Variants in LINGO1 observed in about 807,000 individuals in gnomAD.
LINGO1 encodes leucine rich repeat and Ig domain containing 1.
Under a neutral mutation model 37.3 loss-of-function variants are expected in LINGO1, and 11 were observed. The observed-to-expected ratio is 0.29, with a 90% confidence interval of 0.19 to 0.49. The LOEUF (loss-of-function observed/expected upper bound fraction) is 0.49. Among genes scored for constraint, LINGO1 ranks in the 20% least tolerant of loss-of-function variants. The probability of loss-of-function intolerance (pLI) is 0.99; values close to 1 mark genes in which losing one functional copy is unlikely to be tolerated. For missense variants in LINGO1, 585 were observed against 878.2 expected, an observed-to-expected ratio of 0.67 and a Z score of 4.22; for synonymous variants, 387 against 403.0, an observed-to-expected ratio of 0.96 and a Z score of 0.48.
intron 1 of LINGO1, among the ~76,000 whole-genome samples, chr15:77,797,497 A>T (rs7175762): frequency 2.6e-5 from 4 of 152,106 alleles, no homozygotes; most frequent in African/African-American, 9.7e-5. Flanking sequence ...CCTTCAAACG[A>T]AAGTCCACAC....
chr15:77,793,586 T>C (rs951177716), intron 2 of LINGO1, among the ~76,000 whole-genome samples: 2 of 152,224 alleles, frequency 1.3e-5, no homozygotes, highest in Non-Finnish European at 2.9e-5. Context: ...CCTACATCCA[T>C]GACTTTCTTC....
intron 3 of LINGO1, among the ~76,000 whole-genome samples, chr15:77,643,548 T>G (rs1291974476): frequency 1.3e-5 from 2 of 152,164 alleles, no homozygotes; most frequent in African/African-American, 4.8e-5. Context: ...GCAGGGGCTC[T>G]CCTGGCTCCT....
intron 1 of LINGO1, among the ~76,000 whole-genome samples, chr15:77,765,420 A>G (rs2076518426): frequency 6.6e-6 from 1 of 152,006 alleles, no homozygotes; most frequent in South Asian, 2.1e-4. Flanking sequence ...GTCTCAAAAA[A>G]AAAAAAAAAC....
intron 2 of LINGO1, among the ~76,000 whole-genome samples, chr15:77,726,088 C>G (rs149584106): frequency 6.6e-6 from 1 of 152,220 alleles, no homozygotes; most frequent in Non-Finnish European, 1.5e-5. Context: ...TCTGAGTCAT[C>G]GGAAGATTAG....
intron 1 of LINGO1, among the ~76,000 whole-genome samples, chr15:77,618,987 C>A (rs370478542): frequency 1.0e-3 from 152 of 152,230 alleles, no homozygotes; most frequent in African/African-American, 3.4e-3. Flanking sequence ...AATTATGCTA[C>A]AAGATGATAA....
chr15:77,686,585 C>T (rs766129116), intron 2 of LINGO1, among the ~76,000 whole-genome samples: 96 of 152,196 alleles, frequency 6.3e-4, no homozygotes, highest in Non-Finnish European at 1.0e-3. Flanking sequence ...ACCGTCAACC[C>T]TCTCACAGGT....
At chr15:77,789,194 T>C (rs1466354495), upstream of LINGO1, among the ~76,000 whole-genome samples, 8 of 152,220 alleles carry the variant, frequency 5.3e-5, no homozygotes, top group Admixed American at 5.2e-4. Flanking sequence ...TAACCCCCAA[T>C]ACCTCAGTAT....
intron 2 of LINGO1, among the ~76,000 whole-genome samples, chr15:77,728,822 A>C (rs2076128097): frequency 6.6e-6 from 1 of 152,230 alleles, no homozygotes; most frequent in Non-Finnish European, 1.5e-5. Flanking sequence ...CTCTGTAGAA[A>C]CAGCTCATGG....
chr15:77,696,834 C>T (rs1223468456), upstream of LINGO1, among the ~76,000 whole-genome samples: 3 of 152,274 alleles, frequency 2.0e-5, no homozygotes, highest in Non-Finnish European at 4.4e-5. Context: ...GTACCGGGGC[C>T]TGCCCCAATT....
intron 3 of LINGO1, chr15:77,651,971 T>A (rs1475529482): frequency 6.6e-6 from 1 of 152,180 alleles, no homozygotes; most frequent in African/African-American, 2.4e-5. Context: ...CAAACTCTGG[T>A]GAAGTCAAGA....
intron 1 of LINGO1, among the ~76,000 whole-genome samples, chr15:77,816,346 G>A (rs1358180438): frequency 6.6e-6 from 1 of 152,168 alleles, no homozygotes; most frequent in Admixed American, 6.5e-5. Flanking sequence ...GTGGTTCCTG[G>A]GAACAGGGGT....
At chr15:77,746,046 C>CA (rs907588225) in intron 1 of LINGO1, among the ~76,000 whole-genome samples, 92 of 138,594 alleles carry the variant, frequency 6.6e-4, no homozygotes, top group South Asian at 9.2e-4. Flanking sequence ...CCTGTCTCTA[C>CA]AAAAAAAAAA....
chr15:77,649,135 A>G (rs1040310031), intron 3 of LINGO1: 2 of 152,264 alleles, frequency 1.3e-5, no homozygotes, highest in Admixed American at 1.3e-4. Flanking sequence ...GACATAGGCT[A>G]GCAGTCTGTA....
intron 1 of LINGO1, among the ~76,000 whole-genome samples, chr15:77,816,376 G>A (rs1030550791): frequency 7.2e-5 from 11 of 152,170 alleles, no homozygotes; most frequent in African/African-American, 2.2e-4. Flanking sequence ...AGAAGCCCAC[G>A]GAAGAAACTC....
chr15:77,692,884 C>G (rs913166886), intron 1 of LINGO1, among the ~76,000 whole-genome samples: 1 of 152,242 alleles, frequency 6.6e-6, no homozygotes, highest in Non-Finnish European at 1.5e-5. Context: ...GGTGGAGCAA[C>G]GGAGGCCCAA....
chr15:77,811,782 G>A (rs2077007735), intron 1 of LINGO1, among the ~76,000 whole-genome samples: 1 of 152,182 alleles, frequency 6.6e-6, no homozygotes. Flanking sequence ...ATGTTTAGGT[G>A]TGAAAAGGCT....
rs2076846179 is a variant in LINGO1 at position 77,794,369 on chromosome 15, C to CATACATAT, written c.-343+1569_-343+1570insATATGTAT. Reference sequence around the variant, plus strand: ...ATATATACGTATATATGTGTATATACATACGTATATGTATATACATACATA... The same window carrying CATACATAT: ...ATATATACGTATATATGTGTATATACATACATATATACGTATATGTATATACATACATA... On this transcript the variant is annotated intron_variant, in intron 2 of 5. Coordinates refer to the LINGO1 transcript ENST00000562933. 3.1e-5 allele frequency among the ~76,000 whole-genome samples: 2 copies of CATACATAT among 63,676 alleles called. 1 individual carries two copies. The highest frequency in any genetic ancestry group is 6.5e-5 in the Non-Finnish European group (2 of 30,836). 41.8% of individuals were successfully genotyped at this position (63,676 alleles called of 152,430 possible). A position where few individuals can be genotyped will look rare whatever the true frequency, so the allele number is the denominator to read the frequency against.
chr15:77,656,330 T>C (rs1596057570), intron 3 of LINGO1, among the ~76,000 whole-genome samples: 1 of 152,010 alleles, frequency 6.6e-6, no homozygotes, highest in East Asian at 1.9e-4. Flanking sequence ...TCTCTCTCTC[T>C]CCCTCCTTGT....
At chr15:77,643,541 G>A (rs1042145501) in intron 3 of LINGO1, among the ~76,000 whole-genome samples, 1 of 152,208 alleles carries the variant, frequency 6.6e-6, no homozygotes, top group Non-Finnish European at 1.5e-5. Context: ...AGCTTCCGCA[G>A]GGGCTCTCCT....
Sources: allele counts gnomAD v4.1 joint callset (sites outside exome capture counted in the v4.1 genomes callset), GRCh38; gene constraint gnomAD v4.1.1; transcripts MANE v1.5; gene names NCBI Gene and HGNC (gene_info 2026-07-23, HGNC 2026-07-21).